Variants in EDA observed in about 807,000 individuals in gnomAD.
EDA encodes ectodysplasin-A.
In EDA, 2 loss-of-function variants were observed where a neutral mutation model predicts 23.6. That is an observed-to-expected ratio of 0.08 (90% confidence interval 0.03 to 0.27). EDA has a LOEUF of 0.27. Among genes scored for constraint, EDA ranks in the 10% least tolerant of loss-of-function variants. The pLI is 1.00. For missense variants in EDA, 229 were observed against 324.2 expected (o/e 0.71, Z 2.26); for synonymous variants, 131 against 132.0 (o/e 0.99, Z 0.05).
chrX:69,955,032 T>C (rs1006637506), intron 1 of EDA, among the ~76,000 whole-genome samples: 1 of 112,417 alleles, frequency 8.9e-6, no homozygotes, highest in African/African-American at 3.2e-5. Flanking sequence ...ATAGCTGAAG[T>C]AAGTTTCAGC....
rs202117037 is a variant in EDA at position 69,956,344 on chromosome X, T to TC, written c.397-683_397-682insC. Among the ~76,000 whole-genome samples the TC allele has an allele frequency of 7.8e-3, 330 of 42,397 alleles. 14 individuals are homozygous for TC. The highest frequency in any genetic ancestry group is 0.024 in the African/African-American group (279 of 11,576). The allele number at this position is 42,397 out of a possible 115,157, so 36.8% of individuals were successfully genotyped here. A position where few individuals can be genotyped will look rare whatever the true frequency, so the allele number is the denominator to read the frequency against. On this transcript the variant is annotated intron_variant, in intron 1 of 7. Transcript: ENST00000374552. Reference sequence around the variant, plus strand: ...CTTTCTCTTTCTCTTTCTTTCTTCTTTTTTTTTTTTTTTTTTTACAGAGTT... The same window carrying TC: ...CTTTCTCTTTCTCTTTCTTTCTTCTTCTTTTTTTTTTTTTTTTTACAGAGTT...
chrX:70,028,235 C>T (rs1668714593), intron 4 of EDA, among the ~76,000 whole-genome samples, 199 bp downstream of exon 4: 2 of 111,437 alleles, frequency 1.8e-5, no homozygotes, highest in South Asian at 7.6e-4. Flanking sequence ...CTTATATCTA[C>T]CAAACTGTCA....
chrX:70,024,823 G>A (rs1313582903), intron 3 of EDA, among the ~76,000 whole-genome samples: 1 of 112,231 alleles, frequency 8.9e-6, no homozygotes, highest in Non-Finnish European at 1.9e-5. Context: ...AAAGGTTAAG[G>A]AAATACTCCT....
chrX:69,855,175 T>C (rs2017218654), intron 1 of EDA, among the ~76,000 whole-genome samples: 1 of 111,591 alleles, frequency 9.0e-6, no homozygotes. Flanking sequence ...TTTCTTATAA[T>C]TTTAAGTTCC....
intron 1 of EDA, among the ~76,000 whole-genome samples, chrX:69,642,704 T>G (rs1365054746): frequency 1.8e-5 from 2 of 111,674 alleles, no homozygotes; most frequent in Non-Finnish European, 3.8e-5. Flanking sequence ...GGCAGGAACT[T>G]GATTTAATTC....
At chrX:69,690,259 G>A (rs752212315) in intron 1 of EDA, among the ~76,000 whole-genome samples, 1 of 111,733 alleles carries the variant, frequency 8.9e-6, no homozygotes, top group Non-Finnish European at 1.9e-5. Flanking sequence ...TTATCACTTA[G>A]TATAATGTTA....
intron 1 of EDA, among the ~76,000 whole-genome samples, chrX:69,836,565 T>A (rs1243412708): frequency 8.9e-6 from 1 of 112,549 alleles, no homozygotes; most frequent in African/African-American, 3.2e-5. Flanking sequence ...AATCTTCTTG[T>A]CTGCCAGTTG....
intron 1 of EDA, among the ~76,000 whole-genome samples, chrX:69,730,645 C>T (rs1348652660): frequency 1.8e-5 from 2 of 112,018 alleles, no homozygotes; most frequent in Admixed American, 1.9e-4. Flanking sequence ...TCCTTGGGGA[C>T]AAGGACCTTG....
intron 1 of EDA, among the ~76,000 whole-genome samples, chrX:69,802,506 T>A (rs2015715816): frequency 9.0e-6 from 1 of 111,001 alleles, no homozygotes. Context: ...TTTCTTAAGT[T>A]GAGTAGTAGG....
intron 1 of EDA, among the ~76,000 whole-genome samples, chrX:69,695,196 T>A (rs960428426): frequency 9.1e-6 from 1 of 110,428 alleles, no homozygotes; most frequent in South Asian, 3.9e-4. Context: ...GGTGTGTGCC[T>A]GTAGTCCCAG....
At chrX:69,785,719 A>G (rs2015138775) in intron 1 of EDA, among the ~76,000 whole-genome samples, 1 of 106,920 alleles carries the variant, frequency 9.4e-6, no homozygotes, top group Non-Finnish European at 2.0e-5. Flanking sequence ...GGATTTTTGC[A>G]TCAATGTTCA....
chrX:69,888,980 A>ATATATATATATG (rs2017877531), intron 1 of EDA, among the ~76,000 whole-genome samples: 1 of 29,906 alleles, frequency 3.3e-5, no homozygotes, highest in Non-Finnish European at 5.9e-5. Context: ...TGGGGTAGTT[A>ATATATATATATG]TATATATATA....
intron 1 of EDA, among the ~76,000 whole-genome samples, chrX:69,833,550 G>C (rs1479536713): frequency 9.1e-6 from 1 of 109,363 alleles, no homozygotes; most frequent in Non-Finnish European, 1.9e-5. Context: ...GGATGATGTT[G>C]GCCTCATAAA....
At chrX:69,823,673 T>C (rs1483440837) in intron 1 of EDA, among the ~76,000 whole-genome samples, 1 of 97,305 alleles carries the variant, frequency 1.0e-5, no homozygotes, top group African/African-American at 3.9e-5. Flanking sequence ...TGGTAGTTTC[T>C]TTTGCTGTAC....
chrX:69,789,159 G>T (rs1329140456), intron 1 of EDA, among the ~76,000 whole-genome samples: 1 of 112,074 alleles, frequency 8.9e-6, no homozygotes, highest in Non-Finnish European at 1.9e-5. Context: ...GCTCATGCAT[G>T]GTGCGTGCAC....
At chrX:69,845,267 G>C (rs975881301) in intron 1 of EDA, among the ~76,000 whole-genome samples, 4 of 112,294 alleles carry the variant, frequency 3.6e-5, no homozygotes, top group Non-Finnish European at 7.5e-5. Flanking sequence ...TTTAGTGATG[G>C]TCTTTATAAC....
At chrX:69,891,309 A>G in intron 1 of EDA, among the ~76,000 whole-genome samples, 2 of 111,967 alleles carry the variant, frequency 1.8e-5, no homozygotes. Context: ...CTCAACCATT[A>G]TGGAAAACAG....
intron 1 of EDA, among the ~76,000 whole-genome samples, chrX:69,956,275 C>CTTTT (rs1429732632): frequency 7.6e-5 from 3 of 39,409 alleles, no homozygotes; most frequent in South Asian, 8.5e-4. Flanking sequence ...TCAAGGTTTT[C>CTTTT]TTTCTTTCTT....
intron 2 of EDA, among the ~76,000 whole-genome samples, chrX:70,013,810 A>G (rs1427454049): frequency 9.0e-6 from 1 of 111,424 alleles, no homozygotes; most frequent in East Asian, 2.9e-4. Context: ...TGGAAAAGGA[A>G]CTAAGATCCT....
Sources: gnomAD v4.1 joint callset for allele counts (sites outside exome capture counted in the v4.1 genomes callset) on GRCh38, gnomAD v4.1.1 for gene constraint, MANE v1.5 for transcripts, NCBI Gene and HGNC (gene_info 2026-07-23, HGNC 2026-07-21) for gene names.